Variants in KIF15 observed in about 807,000 individuals in gnomAD.
KIF15 encodes the protein kinesin-like protein KIF15.
KIF15 carries 140 observed loss-of-function variants against 190.6 expected under a neutral mutation model. That is an observed-to-expected ratio of 0.73 (90% CI 0.64 to 0.84). The LOEUF is 0.84. Among genes scored for constraint, KIF15 ranks in the 40% least tolerant of loss-of-function variants. The pLI is 0.00. For missense variants in KIF15, 1,372 were observed against 1,584.4 expected (o/e 0.87, Z 2.28); for synonymous variants, 528 against 551.3 (o/e 0.96, Z 0.59).
At chr3:44,829,527 T>C (rs1441443496) in intron 24 of KIF15, among the ~76,000 whole-genome samples, 1 of 69,768 alleles carries the variant, frequency 1.4e-5, no homozygotes, top group African/African-American at 5.2e-5. Context: ...ATTATATGTA[T>C]ATAATATGTA....
At chr3:44,854,307 C>A (rs1237559735), downstream of KIF15, among the ~76,000 whole-genome samples, 1 of 151,544 alleles carries the variant, frequency 6.6e-6, no homozygotes, top group Non-Finnish European at 1.5e-5. Flanking sequence ...ATCGCTTGAA[C>A]CCGGGAGGCA....
chr3:44,826,503 T>TA, intron 22 of KIF15, 43 bp downstream of exon 22: 1 of 1,285,624 alleles, frequency 7.8e-7, no homozygotes, highest in Non-Finnish European at 1.1e-6. Flanking sequence ...TAGAATATTG[T>TA]TTAATACCAC....
Position 44,797,601 on chromosome 3 carries a change from A to G in KIF15, c.900A>G (p.Thr300=), listed in dbSNP as rs1374346128. 4 of 1,614,058 alleles carry G rather than the reference A, an allele frequency of 2.5e-6. No individual in the cohort carries two copies. In the African/African-American group the frequency reaches 4.0e-5, roughly 16 times the overall value. The change falls in exon 9 of 35, where the codon ACA becomes ACG. Residue 300 remains threonine, a synonymous_variant. Transcript: ENST00000326047. ...RSLSCLGQVI[T]ALVDVGNGKQ... ...TGAGCTGCCTGGGCCAAGTGATTAC[A>G]GCACTTGTCGACGTGGGTAATGGAA...
chr3:44,777,416 G>A (rs900841574), intron 3 of KIF15, among the ~76,000 whole-genome samples: 11 of 152,090 alleles, frequency 7.2e-5, no homozygotes, highest in African/African-American at 2.7e-4. Context: ...AACGAGGACT[G>A]GGTGCTGTGG....
chr3:44,813,644 T>G (rs1035282226), intron 19 of KIF15, among the ~76,000 whole-genome samples: 2 of 150,294 alleles, frequency 1.3e-5, no homozygotes, highest in African/African-American at 4.9e-5. Flanking sequence ...TTTTTTTTTT[T>G]GAGGTGGAGT....
In KIF15 at chr3:44,848,690, A is replaced by AT. The variant is rs200126463; in HGVS notation, c.3806+141dup. The AT allele has an allele frequency of 8.9e-3, 3,663 of 413,098 alleles. 83 individuals are homozygous for AT. The highest frequency in any genetic ancestry group is 0.063 in the African/African-American group (2,999 of 47,666). 25.6% of individuals were successfully genotyped at this position (413,098 alleles called of 1,614,324 possible). A position where few individuals can be genotyped will look rare whatever the true frequency, so the allele number is the denominator to read the frequency against. ...AAGTGAATTTAATAGATGTTTACAGATTTTTTTTTAAATACCATTTGCTAA... is the reference window on the plus strand; with the variant it reads ...AAGTGAATTTAATAGATGTTTACAGATTTTTTTTTTAAATACCATTTGCTAA... On this transcript the variant is annotated intron_variant, in intron 32 of 34. Coordinates refer to ENST00000326047, the MANE Select transcript of KIF15 (RefSeq NM_020242.3).
rs562165916 is a variant in KIF15, at chr3:44,770,898, C to A, written c.20-3497C>A. Among the ~76,000 whole-genome samples, 7 of 152,242 alleles carry A rather than the reference C, an allele frequency of 4.6e-5. No individual in the cohort carries two copies. In the East Asian group the frequency reaches 1.4e-3, roughly 29 times the overall value. The stretch of plus-strand genomic sequence containing the variant: ...AAGCAAGGATTGGCAATGGTCCAAG[C>A]GAAAGTCAAAAAGATTACTTCAGTT... On this transcript the variant is annotated intron_variant, in intron 1 of 34. Coordinates refer to ENST00000326047, the MANE Select transcript of KIF15 (RefSeq NM_020242.3).
Position 44,815,014 on chromosome 3 carries a change from G to C in KIF15, c.2487G>C (p.Glu829Asp), listed in dbSNP as rs34058914. The C allele has an allele frequency of 3.3e-3, 5,381 of 1,612,296 alleles. 12 individuals carry two copies. The highest frequency in any genetic ancestry group is 4.0e-3 in the Non-Finnish European group (4,753 of 1,179,432). The change falls in exon 20 of 35, where the codon GAG (glutamate) becomes GAC (aspartate). Residue 829 changes from glutamate to aspartate, a missense_variant. Glu to Asp is a conservative substitution (Grantham distance 45). Transcript: ENST00000326047. ...LEYSSFKTNQ[E>D]KEFNKLSERH... is the part of the protein sequence containing the mutation. ...ATAGTTCATTCAAAACGAATCAGGA[G>C]AAAGAATTCAACAAACTTTCCGAAA... is the stretch of plus-strand genomic sequence containing the variant.
downstream of KIF15, among the ~76,000 whole-genome samples, chr3:44,856,957 G>C (rs569743554): frequency 6.6e-6 from 1 of 152,308 alleles, no homozygotes; most frequent in African/African-American, 2.4e-5. Context: ...GGTAGTGGAG[G>C]AGGGCAGAGC....
At chr3:44,818,387 A>G (rs915977737) in intron 20 of KIF15, among the ~76,000 whole-genome samples, 1 of 152,158 alleles carries the variant, frequency 6.6e-6, no homozygotes, top group Non-Finnish European at 1.5e-5. Context: ...GTTTGTCATA[A>G]ATAGCTCTTA....
chr3:44,777,199 T>C (rs916478121), intron 3 of KIF15, among the ~76,000 whole-genome samples: 1 of 152,036 alleles, frequency 6.6e-6, no homozygotes, highest in East Asian at 1.9e-4. Flanking sequence ...AGTCTTACTA[T>C]GTTCCCTAGG....
At position 44,811,012 on chromosome 3, in the gene KIF15, A is replaced by G. The variant is rs1194579573; in HGVS notation, c.2138A>G (p.Glu713Gly). 2 of 1,613,536 alleles carry G rather than the reference A, an allele frequency of 1.2e-6. No homozygotes were observed. The highest frequency in any genetic ancestry group is 1.3e-5 in the African/African-American group (1 of 74,872). Residue 713 changes from glutamate to glycine, a missense_variant, in exon 17 of 35, where the codon GAG (glutamate) becomes GGG (glycine). Coordinates refer to ENST00000326047, the MANE Select transcript of KIF15 (RefSeq NM_020242.3). ...VPPEMNEQAF[E>G]AISEELRTVQ... ...CCTGAGATGAATGAACAAGCTTTTGAGGCCATTTCTGAAGAGCTTAGAACA... is the reference window on the plus strand; with the variant it reads ...CCTGAGATGAATGAACAAGCTTTTGGGGCCATTTCTGAAGAGCTTAGAACA...
At chr3:44,810,551 T>C (rs112044637) in intron 16 of KIF15, among the ~76,000 whole-genome samples, 177 of 152,300 alleles carry the variant, frequency 1.2e-3, no homozygotes, top group African/African-American at 3.7e-3. Flanking sequence ...TGAACCACCA[T>C]GCCTGGCTTG....
intron 28 of KIF15, among the ~76,000 whole-genome samples, chr3:44,840,693 GAGT>G (rs768154323): frequency 0.037 from 4,563 of 122,830 alleles, 117 homozygotes; most frequent in Middle Eastern, 0.1. Context: ...TTGGCAGATG[GAGT>G]CTTGCTCTGT....
At chr3:44,856,972 G>C (rs534932318), downstream of KIF15, among the ~76,000 whole-genome samples, 24 of 152,318 alleles carry the variant, frequency 1.6e-4, no homozygotes, top group African/African-American at 5.8e-4. Context: ...CAGAGCGGTA[G>C]CCTCAATGAT....
At chr3:44,797,412 T>C (rs1473267037) in intron 8 of KIF15, 139 bp from the exon 9 acceptor site, 2 of 768,624 alleles carry the variant, frequency 2.6e-6, no homozygotes, top group Admixed American at 5.5e-5. Context: ...TTTTATTTGT[T>C]GAATAGTTGT....
chr3:44,763,149 T>C (rs1575564627), intron 1 of KIF15, among the ~76,000 whole-genome samples: 1 of 152,216 alleles, frequency 6.6e-6, no homozygotes, highest in East Asian at 1.9e-4. Flanking sequence ...TTTAAGTTTG[T>C]TGGCAAAATT....
rs754053148 is a variant in KIF15, at chr3:44,810,816, A to G, written c.1972-30A>G. On this transcript the variant is annotated intron_variant, in intron 16 of 34. Transcript: ENST00000326047. ...AATATGCCCTTTTTAAATATGTGCT[A>G]ATGTTTTCCATAATCATTTTTTGCT... 12 of 1,540,372 alleles carry G rather than the reference A, an allele frequency of 7.8e-6. No homozygotes were observed. The Admixed American group carries it at 2.2e-4, about 29-fold the overall frequency.
chr3:44,831,123 A>G (rs1698049784), intron 26 of KIF15, 105 bp downstream of exon 26: 1 of 1,280,234 alleles, frequency 7.8e-7, no homozygotes, highest in Non-Finnish European at 1.1e-6. Flanking sequence ...TTTTAAAGAA[A>G]TAATTCTTAT....
Sources: allele counts gnomAD v4.1 joint callset (sites outside exome capture counted in the v4.1 genomes callset), GRCh38; gene constraint gnomAD v4.1.1; transcripts MANE v1.5; gene names NCBI Gene and HGNC (gene_info 2026-07-23, HGNC 2026-07-21).